The following PCNT variants were observed in gnomAD, a reference collection of about 807,000 sequenced individuals.
PCNT encodes the protein pericentrin, also known as kendrin.
PCNT carries 319 observed loss-of-function variants against 380.4 expected under a neutral mutation model. That is an observed-to-expected ratio of 0.84 (90% confidence interval 0.77 to 0.92). The LOEUF is 0.92. Among genes scored for constraint, PCNT ranks in the 40% least tolerant of loss-of-function variants. PCNT has a pLI of 0.00. For synonymous variants in PCNT, 1,845 were observed against 1,735.2 expected, an observed-to-expected ratio of 1.06 and a Z score of -1.57; for missense variants, 4,400 against 4,255.3, an observed-to-expected ratio of 1.03 and a Z score of -0.95.
intron 27 of PCNT, among the ~76,000 whole-genome samples, chr21:46,408,670 A>G (rs2086689786): frequency 7.0e-6 from 1 of 143,142 alleles, no homozygotes; most frequent in South Asian, 2.2e-4. Flanking sequence ...TTTCTATGCT[A>G]TTTGCCATCC....
At chr21:46,357,255 G>T (rs2084512974) in intron 13 of PCNT, 64 bp downstream of exon 13, 1 of 1,195,710 alleles carries the variant, frequency 8.4e-7, no homozygotes, top group Admixed American at 1.7e-5. Context: ...CACCTGGAAG[G>T]CTTGTGTCCT....
chr21:46,324,675 C>T (rs2083303038), intron 1 of PCNT, among the ~76,000 whole-genome samples: 1 of 151,884 alleles, frequency 6.6e-6, no homozygotes, highest in African/African-American at 2.4e-5. Context: ...GCGCGGCAGG[C>T]GCTGGACCCC....
chr21:46,397,157 T>G (rs1320209215), intron 21 of PCNT, 108 bp from the exon 22 acceptor site: 19 of 892,788 alleles, frequency 2.1e-5, no homozygotes, highest in Non-Finnish European at 3.5e-5. Context: ...TTGAAGTGAC[T>G]TCATTTTCGG....
At position 46,381,811 on chromosome 21, in the gene PCNT, C is replaced by T; in HGVS notation, c.3283C>T (p.Leu1095Phe). Residue 1095 changes from leucine (L) to phenylalanine (F), a missense_variant, in exon 16 of 47, where the codon CTT (leucine) becomes TTT (phenylalanine). By Grantham distance (22) the Leu-to-Phe change is conservative. Coordinates refer to ENST00000359568, the MANE Select transcript of PCNT (RefSeq NM_006031.6). ...GGAGAAAGAGTCTTTGTCTCTGCAGCTTCAAAAGAAGAATCACCAAGTCCA... is the reference window on the plus strand; with the variant it reads ...GGAGAAAGAGTCTTTGTCTCTGCAGTTTCAAAAGAAGAATCACCAAGTCCA... The part of the protein sequence containing the change: ...QEEKESLSLQ[L>F]QKKNHQVQQL... The T allele has an allele frequency of 6.2e-7, 1 of 1,614,210 alleles. No homozygotes were observed. Among genetic ancestry groups the T allele is most frequent in the Non-Finnish European group, 8.5e-7 (1 of 1,180,028 alleles).
At chr21:46,417,441 C>T (rs2087076683) in intron 30 of PCNT, among the ~76,000 whole-genome samples, 1 of 152,208 alleles carries the variant, frequency 6.6e-6, no homozygotes, top group African/African-American at 2.4e-5. Flanking sequence ...ATCCACCCAC[C>T]TCAGCCTCCC....
intron 5 of PCNT, 72 bp from the exon 6 acceptor site, chr21:46,347,385 G>A (rs888830826): frequency 1.5e-4 from 226 of 1,504,462 alleles, no homozygotes; most frequent in African/African-American, 2.2e-4. Context: ...GAGCCTGGTC[G>A]TTTCCTGGGC....
In PCNT at chr21:46,416,552, C is replaced by G; in HGVS notation, c.6634C>G (p.Arg2212Gly). 6.2e-7 allele frequency: 1 copy of G among 1,612,918 alleles called. No homozygotes were observed. Among genetic ancestry groups the G allele is most frequent in the Non-Finnish European group, 8.5e-7 (1 of 1,179,644 alleles). ...HQSHTAEAGP[R>G]KSPVGMLDLS... ...GAGCCACACTGCAGAGGCTGGGCCC[C>G]GGAAGAGCCCGGTCGGGATGCTGGA... The change falls in exon 30 of 47, where the codon CGG (arginine) becomes GGG (glycine). Residue 2212 changes from arginine to glycine, a missense_variant. By Grantham distance (125) the Arg-to-Gly change is moderately radical. Transcript: ENST00000359568.
chr21:46,353,014 C>A, intron 9 of PCNT, 90 bp from the exon 10 acceptor site: 1 of 1,072,348 alleles, frequency 9.3e-7, no homozygotes, highest in Non-Finnish European at 1.4e-6. Flanking sequence ...GAGTTCTGCC[C>A]CCACCACAGG....
In PCNT at chr21:46,441,046, G is replaced by C. The variant is rs778606282; in HGVS notation, c.9585G>C (p.Arg3195Ser). The change falls in exon 43 of 47, where the codon AGG becomes AGC. Residue 3195 changes from arginine (R) to serine (S), a missense_variant. Coordinates refer to ENST00000359568, the MANE Select transcript of PCNT (RefSeq NM_006031.6). ...ERKITSRPFT[R>S]FRTAVRVVIA... Reference sequence around the variant, plus strand: ...AAATCACATCTCGTCCTTTCACCAGGTTCCGCACGGCCGTCAGGGTGGTCA... The same window carrying C: ...AAATCACATCTCGTCCTTTCACCAGCTTCCGCACGGCCGTCAGGGTGGTCA... 2.5e-6 allele frequency: 4 copies of C among 1,613,928 alleles called. No homozygotes were observed. Among genetic ancestry groups the C allele is most frequent in the Non-Finnish European group, 3.4e-6 (4 of 1,179,926 alleles).
At chr21:46,339,820 C>G (rs1218979351) in intron 3 of PCNT, among the ~76,000 whole-genome samples, 1 of 152,148 alleles carries the variant, frequency 6.6e-6, no homozygotes, top group African/African-American at 2.4e-5. Context: ...ACTATCACAC[C>G]AGGTATGGCT....
At chr21:46,415,905 G>C (rs1384114877) in intron 29 of PCNT, among the ~76,000 whole-genome samples, 164 bp from the exon 30 acceptor site, 2 of 152,104 alleles carry the variant, frequency 1.3e-5, no homozygotes, top group Non-Finnish European at 2.9e-5. Context: ...TGTAAGCCTT[G>C]GTTCTGTTTC....
chr21:46,387,143 G>A (rs2085866286), intron 17 of PCNT, among the ~76,000 whole-genome samples: 1 of 152,206 alleles, frequency 6.6e-6, no homozygotes, highest in Admixed American at 6.5e-5. Context: ...AGACCAGGTC[G>A]GGCTTATGGG....
intron 33 of PCNT, 51 bp downstream of exon 33, chr21:46,426,022 T>G (rs2330435): frequency 1.3e-6 from 2 of 1,599,442 alleles, no homozygotes; most frequent in African/African-American, 1.4e-5. Context: ...AAGGAGCTTG[T>G]GGTAATGGCC....
intron 21 of PCNT, among the ~76,000 whole-genome samples, chr21:46,393,324 G>A (rs970801821): frequency 9.2e-5 from 14 of 152,206 alleles, no homozygotes; most frequent in Admixed American, 6.5e-4. Flanking sequence ...ATTTTTCAGG[G>A]TGTTTTCAGG....
intron 27 of PCNT, among the ~76,000 whole-genome samples, chr21:46,403,621 G>A (rs1165805683): frequency 1.4e-5 from 2 of 143,890 alleles, no homozygotes; most frequent in African/African-American, 2.6e-5. Flanking sequence ...AATCGTGTGT[G>A]TGTGGTGCCC....
At position 46,443,889 on chromosome 21, in the gene PCNT, C is replaced by T; in HGVS notation, c.9780C>T (p.Thr3260=). ...CCCGGGATGTACCCTCTGGCCACACCAGGGACCCTGCCAGAGGCCGCAGAC... is the reference window on the plus strand; with the variant it reads ...CCCGGGATGTACCCTCTGGCCACACTAGGGACCCTGCCAGAGGCCGCAGAC... ...PPTRDVPSGH[T]RDPARGRRLA... The change falls in exon 45 of 47, where the codon ACC becomes ACT. Residue 3260 remains threonine (T), a synonymous_variant. Transcript: ENST00000359568. The T allele has an allele frequency of 1.2e-6, 2 of 1,613,098 alleles. No individual in the cohort carries two copies. The highest frequency in any genetic ancestry group is 1.7e-6 in the Non-Finnish European group (2 of 1,180,028).
chr21:46,422,083 G>A lies in PCNT; in HGVS notation c.7138G>A (p.Glu2380Lys). 6.2e-7 allele frequency: 1 copy of A among 1,613,948 alleles called. No homozygotes were observed. Among genetic ancestry groups the A allele is most frequent in the Non-Finnish European group, 8.5e-7 (1 of 1,180,018 alleles). Residue 2380 changes from glutamate (E) to lysine (K), a missense_variant, in exon 32 of 47, where the codon GAA becomes AAA. Glu to Lys is a moderately conservative substitution (Grantham distance 56, BLOSUM62 1). Transcript: ENST00000359568. ...CTCTGGAAGGTTTCAGCCGCTGCCG[G>A]AAGCCATGAAGGAGAAGGAAGTGCG... ...SISGRFQPLPEAMKEKEVRPK... is the reference protein window; with the variant it reads ...SISGRFQPLPKAMKEKEVRPK...
intron 2 of PCNT, among the ~76,000 whole-genome samples, chr21:46,329,097 A>G (rs1041633579): frequency 2.6e-5 from 4 of 152,242 alleles, no homozygotes; most frequent in African/African-American, 9.6e-5. Context: ...TAAAAGTAGT[A>G]AGCTGATAAA....
Position 46,425,945 on chromosome 21 carries a change from A to G in PCNT, c.7294A>G (p.Ile2432Val). The G allele has an allele frequency of 3.1e-6, 5 of 1,614,046 alleles. No homozygotes were observed. Among genetic ancestry groups the G allele is most frequent in the Non-Finnish European group, 4.2e-6 (5 of 1,180,018 alleles). Residue 2432 changes from isoleucine (I) to valine (V), a missense_variant, in exon 33 of 47, where the codon ATC becomes GTC. Coordinates refer to ENST00000359568, the MANE Select transcript of PCNT (RefSeq NM_006031.6). The surrounding 1 kb of genome is among the most constrained non-coding windows in gnomAD (Gnocchi z 4.2). Reference sequence around the variant, plus strand: ...CCGGAAGGAAGACGAGATACAGGACATCTCGCTCCATGGGGGAAAGACGCA... The same window carrying G: ...CCGGAAGGAAGACGAGATACAGGACGTCTCGCTCCATGGGGGAAAGACGCA... ...PPRKEDEIQD[I>V]SLHGGKTQEV...
Sources: allele counts gnomAD v4.1 joint callset (sites outside exome capture counted in the v4.1 genomes callset), GRCh38; gene constraint gnomAD v4.1.1; non-coding constraint Gnocchi (gnomAD v3.1); transcripts MANE v1.5; gene names NCBI Gene and HGNC (gene_info 2026-07-23, HGNC 2026-07-21).